Variants in ZNF579 observed in about 807,000 individuals in gnomAD.
ZNF579 encodes zinc finger protein 579.
In ZNF579, 3 loss-of-function variants were observed where a neutral mutation model predicts 5.7. That is an observed-to-expected ratio of 0.53 (90% CI 0.24 to 1.36). The LOEUF (loss-of-function observed/expected upper bound fraction) is 1.36. ZNF579 is among the 40% of genes most tolerant of loss of function. ZNF579 has a pLI of 0.16. For synonymous variants in ZNF579, 454 were observed against 409.0 expected (o/e 1.11, Z -1.33); for missense variants, 679 against 877.6 (o/e 0.77, Z 2.86).
In ZNF579 at chr19:55,577,620, G is replaced by T. The variant is rs973882897; in HGVS notation, c.*331C>A. The T allele has an allele frequency of 7.8e-6, 3 of 383,594 alleles. No individual in the cohort carries two copies. The highest frequency in any genetic ancestry group is 1.4e-5 in the Non-Finnish European group (3 of 209,434). 23.8% of individuals were successfully genotyped at this position (383,594 alleles called of 1,614,324 possible). ...ACCCCCAGGGTCTGGCAGTTCCAAA[G>T]AGGTGATGGTGTCCAGTGTGTGAAA... is the stretch of plus-strand genomic sequence containing the variant. On this transcript the variant is annotated 3_prime_UTR_variant, in exon 2 of 2. Transcript: ENST00000325421.
In ZNF579 at chr19:55,578,260, C is replaced by T; in HGVS notation, c.1380G>A (p.Gln460=). The stretch of plus-strand genomic sequence containing the variant: ...TCTCCAGCTCTGCGCGGTGGCAGCG[C>T]TGGTGGCGCAGGAGGCTGTAGGCGC... ...FSRAYSLLRH[Q]RCHRAELERA... Residue 460 remains glutamine (Q), a synonymous_variant, in exon 2 of 2, where the codon CAG becomes CAA. Coordinates refer to ENST00000325421, the MANE Select transcript of ZNF579 (RefSeq NM_152600.3). 7.3e-7 allele frequency: 1 copy of T among 1,371,202 alleles called. No individual in the cohort carries two copies. The highest frequency in any genetic ancestry group is 9.3e-7 in the Non-Finnish European group (1 of 1,070,686). The allele number at this position is 1,371,202 out of a possible 1,614,324, so 84.9% of individuals were successfully genotyped here.
In ZNF579 at chr19:55,579,113, GCAGGCCACGTCT is replaced by G; in HGVS notation, c.515_526del (p.Glu172_Pro175del). The G allele has an allele frequency of 6.6e-7, 1 of 1,526,708 alleles. No homozygotes were observed. Among genetic ancestry groups the G allele is most frequent in the Non-Finnish European group, 8.7e-7 (1 of 1,142,954 alleles). The allele number at this position is 1,526,708 out of a possible 1,614,324, so 94.6% of individuals were successfully genotyped here. A position where few individuals can be genotyped will look rare whatever the true frequency, so the allele number is the denominator to read the frequency against. On this transcript the variant is annotated inframe_deletion, in exon 2 of 2. Transcript: ENST00000325421. ...CGCAGCCAGCGTGGAAGGCTCCCCCGCAGGCCACGTCTCAGGCCACGCTGCGACCGCCTCCTC... is the reference window on the plus strand; with the variant it reads ...CGCAGCCAGCGTGGAAGGCTCCCCCGCAGGCCACGCTGCGACCGCCTCCTC...
In ZNF579 at chr19:55,578,762, G is replaced by A. The variant is rs2123526309; in HGVS notation, c.878C>T (p.Ser293Phe). The A allele has an allele frequency of 6.2e-7, 1 of 1,602,186 alleles. No individual in the cohort carries two copies. Among genetic ancestry groups the A allele is most frequent in the Non-Finnish European group, 8.5e-7 (1 of 1,175,528 alleles). ...WSLSRHRLVH[S>F]TDRPFVCPDC... ...TGGGCACACGAAAGGGCGGTCGGTG[G>A]AGTGGACCAGCCGGTGGCGCGACAG... Residue 293 changes from serine (S) to phenylalanine (F), a missense_variant, in exon 2 of 2, where the codon TCC becomes TTC. This residue lies in a region of ZNF579 where 38 missense variants were observed against 70.3 expected (regional missense o/e 0.54). Transcript: ENST00000325421.
chr19:55,578,731 G>A lies in ZNF579; in HGVS notation c.909C>T (p.Cys303=), dbSNP rs757963182. Residue 303 remains cysteine, a synonymous_variant, in exon 2 of 2, where the codon TGC becomes TGT. Coordinates refer to ENST00000325421, the MANE Select transcript of ZNF579 (RefSeq NM_152600.3). ...STDRPFVCPD[C]GLAFRLASYL... ...AGGAGGCGAGGCGGAAGGCCAGGCC[G>A]CAGTCTGGGCACACGAAAGGGCGGT... is the stretch of plus-strand genomic sequence containing the variant. The A allele has an allele frequency of 1.9e-6, 3 of 1,594,912 alleles. No homozygotes were observed. The highest frequency in any genetic ancestry group is 1.1e-5 in the South Asian group (1 of 89,048).
At chr19:55,580,768 T>G (rs1979639456) in intron 1 of ZNF579, 27 bp downstream of exon 1, 1 of 152,042 alleles carries the variant, frequency 6.6e-6, no homozygotes, top group Non-Finnish European at 1.5e-5. Context: ...TGGGGCTTGG[T>G]CCTGGTCGCT....
Position 55,579,622 on chromosome 19 carries a change from A to G in ZNF579, c.18T>C (p.Pro6=). 1 of 1,474,224 alleles carries G rather than the reference A, an allele frequency of 6.8e-7. No individual in the cohort carries two copies. Among genetic ancestry groups the G allele is most frequent in the Non-Finnish European group, 8.9e-7 (1 of 1,121,220 alleles). 91.3% of individuals were successfully genotyped at this position (1,474,224 alleles called of 1,614,324 possible). MDPQP[P]PPAQGSPPHR... ...GAGGTGGGCTGCCCTGGGCGGGTGG[A>G]GGAGGCTGCGGATCCATGCCTGTGG... The change falls in exon 2 of 2, where the codon CCT becomes CCC. Residue 6 remains proline (P), a synonymous_variant. Transcript: ENST00000325421.
Position 55,579,030 on chromosome 19 carries a change from C to T in ZNF579, c.610G>A (p.Ala204Thr), listed in dbSNP as rs1415686259. ...SESEEAEAGA[A>T]ELRAELALAA... ...AGCGCCAGCTCGGCCCTCAGCTCTG[C>T]TGCCCCGGCCTCGGCCTCCTCCGAC... is the stretch of plus-strand genomic sequence containing the variant. Residue 204 changes from alanine (A) to threonine (T), a missense_variant, in exon 2 of 2, where the codon GCA (alanine) becomes ACA (threonine). Coordinates refer to ENST00000325421, the MANE Select transcript of ZNF579 (RefSeq NM_152600.3). 2 of 1,529,590 alleles carry T rather than the reference C, an allele frequency of 1.3e-6. No individual in the cohort carries two copies. Among genetic ancestry groups the T allele is most frequent in the Non-Finnish European group, 1.7e-6 (2 of 1,144,226 alleles). The allele number at this position is 1,529,590 out of a possible 1,614,324, so 94.8% of individuals were successfully genotyped here.
rs369540231 is a variant in ZNF579, at chr19:55,579,134, G to A, written c.506C>T (p.Ala169Val). ...CCCCGCAGGCCACGTCTCAGGCCAC[G>A]CTGCGACCGCCTCCTCCTCCGTGGC... Reference protein sequence around the residue: ...AGATEEEAVAAWPETWPAGEP... With the variant: ...AGATEEEAVAVWPETWPAGEP... The change falls in exon 2 of 2, where the codon GCG becomes GTG. Residue 169 changes from alanine (A) to valine (V), a missense_variant. Physicochemically the swap from Ala to Val is moderately conservative, Grantham distance 64 (BLOSUM62 0). Transcript: ENST00000325421. The A allele has an allele frequency of 2.0e-5, 31 of 1,524,988 alleles. No homozygotes were observed. The African/African-American group carries it at 3.8e-4, about 19-fold the overall frequency. 94.5% of individuals were successfully genotyped at this position (1,524,988 alleles called of 1,614,324 possible).
In ZNF579 at chr19:55,579,528, C is replaced by A; in HGVS notation, c.112G>T (p.Gly38Ter). The A allele has an allele frequency of 7.0e-7, 1 of 1,435,692 alleles. No homozygotes were observed. The allele number at this position is 1,435,692 out of a possible 1,614,324, so 88.9% of individuals were successfully genotyped here. ...RGRGRGRGGA[G>*]APRAPLPCPT... Reference sequence around the variant, plus strand: ...CAGGGCAGGGGCGCCCTAGGGGCTCCAGCGCCCCCCCTGCCACGGCCACGG... The same window carrying A: ...CAGGGCAGGGGCGCCCTAGGGGCTCAAGCGCCCCCCCTGCCACGGCCACGG... The change falls in exon 2 of 2, where the codon GGA becomes TGA. Residue 38 changes from glycine to a stop codon, truncating the protein, a stop_gained. Coordinates refer to ENST00000325421, the MANE Select transcript of ZNF579 (RefSeq NM_152600.3). LOFTEE classifies it low-confidence loss of function (END_TRUNC).
rs1979533394 is a variant in ZNF579 at position 55,579,142 on chromosome 19, C to T, written c.498G>A (p.Ala166=). 3.3e-6 allele frequency: 5 copies of T among 1,525,192 alleles called. No homozygotes were observed. Among genetic ancestry groups the T allele is most frequent in the Non-Finnish European group, 4.4e-6 (5 of 1,142,026 alleles). 94.5% of individuals were successfully genotyped at this position (1,525,192 alleles called of 1,614,324 possible). A position where few individuals can be genotyped will look rare whatever the true frequency, so the allele number is the denominator to read the frequency against. Residue 166 remains alanine, a synonymous_variant, in exon 2 of 2, where the codon GCG becomes GCA. Coordinates refer to ENST00000325421, the MANE Select transcript of ZNF579 (RefSeq NM_152600.3). ...TAAAGATEEE[A]VAAWPETWPA... ...GCCACGTCTCAGGCCACGCTGCGAC[C>T]GCCTCCTCCTCCGTGGCCCCTGCTG...
rs10643219 is a variant in ZNF579, at chr19:55,578,542, C to CCCG, written c.1097_1098insCGG (p.Gly366dup). 0.55 allele frequency: 775,995 copies of CCCG among 1,422,596 alleles called. 218,805 individuals carry two copies. The highest frequency in any genetic ancestry group is 0.85 in the African/African-American group (55,913 of 65,906). The allele number at this position is 1,422,596 out of a possible 1,614,324, so 88.1% of individuals were successfully genotyped here. On this transcript the variant is annotated inframe_insertion, in exon 2 of 2. Coordinates refer to ENST00000325421, the MANE Select transcript of ZNF579 (RefSeq NM_152600.3). ...CCGGGGCGGCGTCGCCTCCGTTCTG[C>CCCG]CCTTCTCCCCCTTCCGAGGCACCCC...
At chr19:55,580,209 T>C (rs1979605840) in intron 1 of ZNF579, among the ~76,000 whole-genome samples, 1 of 151,836 alleles carries the variant, frequency 6.6e-6, no homozygotes, top group African/African-American at 2.4e-5. Context: ...CCGGCCAGGC[T>C]GAACGTTTTG....
In ZNF579 at chr19:55,577,936, G is replaced by C; in HGVS notation, c.*15C>G. On this transcript the variant is annotated 3_prime_UTR_variant, in exon 2 of 2. Transcript: ENST00000325421. ...GGGAGCTCAGGCGGAGCGGCGGAGG[G>C]CAGGGCGGCGAAGGTCAGGAGGCCA... is the stretch of plus-strand genomic sequence containing the variant. 6.4e-7 allele frequency: 1 copy of C among 1,573,452 alleles called. No homozygotes were observed. Among genetic ancestry groups the C allele is most frequent in the Non-Finnish European group, 8.6e-7 (1 of 1,160,128 alleles).
rs2123524206 is a variant in ZNF579, at chr19:55,578,299, CGGGCAGCGG to C, written c.1332_1340del (p.Cys446_Arg448del). On this transcript the variant is annotated inframe_deletion, in exon 2 of 2. Transcript: ENST00000325421. ...GGCTGTAGGCGCGCGAGAAGCGGCG[CGGGCAGCGG>C]GGGCACGGGTGCGGGGCTGGGCCCC... 1 of 1,290,384 alleles carries C rather than the reference CGGGCAGCGG, an allele frequency of 7.7e-7. No homozygotes were observed. Among genetic ancestry groups the C allele is most frequent in the Non-Finnish European group, 9.8e-7 (1 of 1,022,480 alleles). The allele number at this position is 1,290,384 out of a possible 1,614,324, so 79.9% of individuals were successfully genotyped here.
Position 55,577,662 on chromosome 19 carries a change from G to A in ZNF579, c.*289C>T. 4 of 490,130 alleles carry A rather than the reference G, an allele frequency of 8.2e-6. No homozygotes were observed. The highest frequency in any genetic ancestry group is 2.4e-5 in the South Asian group (1 of 42,478). 30.4% of individuals were successfully genotyped at this position (490,130 alleles called of 1,614,324 possible). On this transcript the variant is annotated 3_prime_UTR_variant, in exon 2 of 2. Transcript: ENST00000325421. Reference sequence around the variant, plus strand: ...TGTGTGAAACGGGGGACAGGGAGGCGGGGGCGTCCCCACCAGTCTCCATCC... The same window carrying A: ...TGTGTGAAACGGGGGACAGGGAGGCAGGGGCGTCCCCACCAGTCTCCATCC...
chr19:55,576,862 C>T lies in ZNF579; in HGVS notation c.*1089G>A, dbSNP rs1389464901. 1.3e-5 allele frequency: 2 copies of T among 152,078 alleles called. No homozygotes were observed. Among genetic ancestry groups the T allele is most frequent in the Non-Finnish European group, 2.9e-5 (2 of 68,016 alleles). 9.4% of individuals were successfully genotyped at this position (152,078 alleles called of 1,614,324 possible). ...AAACGGAAATAGCCACGTGTGTCTG[C>T]TGGATATCATATTGGACAGTGAAGA... On this transcript the variant is annotated 3_prime_UTR_variant, in exon 2 of 2. Coordinates refer to ENST00000325421, the MANE Select transcript of ZNF579 (RefSeq NM_152600.3).
At position 55,579,032 on chromosome 19, in the gene ZNF579, G is replaced by C; in HGVS notation, c.608C>G (p.Ala203Gly). 1 of 1,530,384 alleles carries C rather than the reference G, an allele frequency of 6.5e-7. No homozygotes were observed. The highest frequency in any genetic ancestry group is 1.2e-5 in the South Asian group (1 of 83,166). 94.8% of individuals were successfully genotyped at this position (1,530,384 alleles called of 1,614,324 possible). A position where few individuals can be genotyped will look rare whatever the true frequency, so the allele number is the denominator to read the frequency against. Residue 203 changes from alanine to glycine, a missense_variant, in exon 2 of 2, where the codon GCA (alanine) becomes GGA (glycine). Transcript: ENST00000325421. Reference sequence around the variant, plus strand: ...CGCCAGCTCGGCCCTCAGCTCTGCTGCCCCGGCCTCGGCCTCCTCCGACTC... The same window carrying C: ...CGCCAGCTCGGCCCTCAGCTCTGCTCCCCCGGCCTCGGCCTCCTCCGACTC... ...ESESEEAEAG[A>G]AELRAELALA...
chr19:55,578,068 G>A lies in ZNF579; in HGVS notation c.1572C>T (p.Pro524=). Residue 524 remains proline (P), a synonymous_variant, in exon 2 of 2, where the codon CCC becomes CCT. Coordinates refer to ENST00000325421, the MANE Select transcript of ZNF579 (RefSeq NM_152600.3). ...AACAGGAGGCGCTGAGGAAGACAGG[G>A]GGAGCCGGCGGGGACTGGGGTGGGG... ...PGTPPQSPPA[P]PVFLSASCFD... is the part of the protein sequence containing the mutation. 1.3e-6 allele frequency: 2 copies of A among 1,578,850 alleles called. No homozygotes were observed. Among genetic ancestry groups the A allele is most frequent in the Non-Finnish European group, 1.7e-6 (2 of 1,162,290 alleles).
In ZNF579 at chr19:55,579,174, T is replaced by C. The variant is rs1979537444; in HGVS notation, c.466A>G (p.Thr156Ala). The change falls in exon 2 of 2, where the codon ACC (threonine) becomes GCC (alanine). Residue 156 changes from threonine to alanine, a missense_variant. Around this residue, in one of 6 missense-constraint regions of ZNF579, gnomAD observed 209 missense variants for 223.4 expected, o/e 0.94. Coordinates refer to ENST00000325421, the MANE Select transcript of ZNF579 (RefSeq NM_152600.3). The stretch of plus-strand genomic sequence containing the variant: ...TCCTCCGTGGCCCCTGCTGCAGCGG[T>C]GGTGGGCGGCTCCGAGCCCTCGTCC... Reference protein sequence around the residue: ...PQDEGSEPPTTAAAGATEEEA... With the variant: ...PQDEGSEPPTAAAAGATEEEA... 3.9e-6 allele frequency: 6 copies of C among 1,525,070 alleles called. No homozygotes were observed. The highest frequency in any genetic ancestry group is 2.0e-5 in the Admixed American group (1 of 50,636). The allele number at this position is 1,525,070 out of a possible 1,614,324, so 94.5% of individuals were successfully genotyped here. A position where few individuals can be genotyped will look rare whatever the true frequency, so the allele number is the denominator to read the frequency against.
Sources: allele counts gnomAD v4.1 joint callset (sites outside exome capture counted in the v4.1 genomes callset), GRCh38; gene constraint gnomAD v4.1.1; regional missense constraint gnomAD v4.1.1; transcripts MANE v1.5; gene names NCBI Gene and HGNC (gene_info 2026-07-23, HGNC 2026-07-21).